The following SPATA1 variants were observed in gnomAD, a reference collection of about 807,000 sequenced individuals.
SPATA1 encodes the protein spermatogenesis associated 1.
Under a neutral mutation model 59.6 loss-of-function variants are expected in SPATA1, and 57 were observed. The ratio of observed to expected loss-of-function variants is 0.96; its 90% confidence interval spans 0.77 to 1.19. SPATA1 has a LOEUF of 1.19. SPATA1 is among the 50% of genes most tolerant of loss of function. SPATA1 has a pLI of 0.00. For synonymous variants in SPATA1, 147 were observed against 163.9 expected (o/e 0.90, Z 0.79); for missense variants, 448 against 480.7 (o/e 0.93, Z 0.64).
chr1:84,544,162 CAGTGT>C, intron 8 of SPATA1, 35 bp from the exon 9 acceptor site: 1 of 1,280,248 alleles, frequency 7.8e-7, no homozygotes, highest in Non-Finnish European at 1.1e-6. Context: ...AAGAATGTGA[CAGTGT>C]AGCCGATCTT....
chr1:84,533,048 T>A (rs938175511), intron 7 of SPATA1, 74 bp downstream of exon 7: 17 of 998,184 alleles, frequency 1.7e-5, no homozygotes, highest in Non-Finnish European at 2.2e-5. Context: ...TTCAGAGTAT[T>A]GTTATAAAGA....
intron 9 of SPATA1, 94 bp from the exon 10 acceptor site, chr1:84,545,540 T>C: frequency 7.5e-7 from 1 of 1,334,312 alleles, no homozygotes; most frequent in Non-Finnish European, 9.9e-7. Flanking sequence ...TTCTTGCTGC[T>C]TTAGACATTT....
Position 84,509,311 on chromosome 1 carries a change from C to A in SPATA1, c.-138+2893C>A, listed in dbSNP as rs181083054. Among the ~76,000 whole-genome samples the A allele has an allele frequency of 2.1e-3, 326 of 152,034 alleles. 3 individuals carry two copies. The highest frequency in any genetic ancestry group is 7.5e-3 in the African/African-American group (310 of 41,452). The stretch of plus-strand genomic sequence containing the variant: ...TTTTTACGAAGGTGCCAAGAACATA[C>A]ATTGGAGAAAGGACAGTCCCTCCAA... On this transcript the variant is annotated intron_variant, in intron 1 of 12. Coordinates refer to ENST00000490879, the Ensembl canonical transcript of SPATA1.
chr1:84,541,630 T>C (rs1189517814), intron 8 of SPATA1, among the ~76,000 whole-genome samples: 4 of 152,204 alleles, frequency 2.6e-5, no homozygotes, highest in Non-Finnish European at 4.4e-5. Context: ...ATAGTGTTCA[T>C]TAATATCTGC....
At position 84,543,983 on chromosome 1, in the gene SPATA1, A is replaced by T. The variant is rs1331620292; in HGVS notation, c.718-219A>T. Among the ~76,000 whole-genome samples the T allele has an allele frequency of 4.6e-5, 7 of 152,304 alleles. No individual in the cohort carries two copies. In the South Asian group the frequency reaches 1.0e-3, roughly 23 times the overall value. ...GAAAGAAAAATAACAGATTTTTTTT[A>T]AATTTTAAGTTTGAAGTACTTGTTT... On this transcript the variant is annotated intron_variant, in intron 8 of 12. Transcript: ENST00000490879.
chr1:84,526,070 GA>G lies in SPATA1; in HGVS notation c.543del (p.Ala182LeufsTer83). The stretch of plus-strand genomic sequence containing the variant: ...AGAGCTTCCTAACAAGAATCAGGAA[GA>G]AGGTGATTTTAAACTGGAATGGGAA... On this transcript the variant is annotated frameshift_variant and splice_region_variant, in exon 6 of 13. Coordinates refer to ENST00000490879, the Ensembl canonical transcript of SPATA1. LOFTEE classifies it high-confidence loss of function. The G allele has an allele frequency of 6.2e-7, 1 of 1,605,196 alleles. No individual in the cohort carries two copies. Among genetic ancestry groups the G allele is most frequent in the Non-Finnish European group, 8.5e-7 (1 of 1,175,152 alleles).
chr1:84,535,022 G>A (rs570454592), intron 8 of SPATA1, among the ~76,000 whole-genome samples: 11 of 152,202 alleles, frequency 7.2e-5, no homozygotes, highest in Admixed American at 5.9e-4. Context: ...AGAGAACCAC[G>A]AATCTCAAAA....
intron 6 of SPATA1, among the ~76,000 whole-genome samples, chr1:84,526,928 T>C (rs1358769515): frequency 7.0e-6 from 1 of 143,406 alleles, no homozygotes; most frequent in Non-Finnish European, 1.5e-5. Flanking sequence ...ATTAAACTCA[T>C]AAATACATAA....
chr1:84,544,303 A>G, exon 9 of SPATA1: 1 of 1,556,452 alleles, frequency 6.4e-7, no homozygotes, highest in Non-Finnish European at 8.7e-7. Context: ...TACAAACTGA[A>G]AGTAAGTATA....
intron 12 of SPATA1, chr1:84,552,935 CAGTT>C (rs1276110755): frequency 5.6e-6 from 4 of 713,726 alleles, no homozygotes; most frequent in East Asian, 5.9e-5. Flanking sequence ...TGAGAGAAGA[CAGTT>C]AAAGCGGTTA....
intron 1 of SPATA1, among the ~76,000 whole-genome samples, chr1:84,508,796 A>G (rs1403323833): frequency 3.3e-5 from 5 of 152,210 alleles, no homozygotes; most frequent in African/African-American, 9.6e-5. Flanking sequence ...GGCTAAGGAA[A>G]TTGAAGTTTG....
rs574729578 is a variant in SPATA1 at position 84,540,296 on chromosome 1, G to GT, written c.718-3899dup. Reference sequence around the variant, plus strand: ...TGTGTGTCTTCTACTATTTATTTGGGTTTTTTTCGTCTTGGTATTTAGAAA... The same window carrying GT: ...TGTGTGTCTTCTACTATTTATTTGGGTTTTTTTTCGTCTTGGTATTTAGAAA... On this transcript the variant is annotated intron_variant, in intron 8 of 12. Coordinates refer to ENST00000490879, the Ensembl canonical transcript of SPATA1. Among the ~76,000 whole-genome samples the GT allele has an allele frequency of 2.0e-4, 30 of 151,176 alleles. No individual in the cohort carries two copies. In the East Asian group the frequency reaches 3.3e-3, roughly 17 times the overall value.
At chr1:84,544,428 G>A (rs1684015355) in intron 9 of SPATA1, 124 bp downstream of exon 9, 1 of 708,238 alleles carries the variant, frequency 1.4e-6, no homozygotes, top group African/African-American at 1.8e-5. Flanking sequence ...TCTGGAGATG[G>A]GTGGTGGTGA....
chr1:84,528,166 A>G (rs1157356693), intron 6 of SPATA1, among the ~76,000 whole-genome samples: 1 of 152,206 alleles, frequency 6.6e-6, no homozygotes, highest in Non-Finnish European at 1.5e-5. Flanking sequence ...CTTCTCCAGT[A>G]GAGATAACTA....
chr1:84,540,503 T>G (rs1683863589), intron 8 of SPATA1, among the ~76,000 whole-genome samples: 1 of 152,206 alleles, frequency 6.6e-6, no homozygotes, highest in Non-Finnish European at 1.5e-5. Flanking sequence ...CTACTTTCAC[T>G]TTTTTCCCTC....
intron 1 of SPATA1, among the ~76,000 whole-genome samples, chr1:84,508,067 G>A (rs1017968858): frequency 1.3e-5 from 2 of 152,132 alleles, no homozygotes; most frequent in African/African-American, 4.8e-5. Flanking sequence ...AGATCACGAG[G>A]TCAAGAGATC....
At chr1:84,548,960 C>A in exon 11 of SPATA1, 1 of 1,573,320 alleles carries the variant, frequency 6.4e-7, no homozygotes, top group Non-Finnish European at 8.6e-7. Context: ...ATCACAGACT[C>A]CAAGGTATTA....
chr1:84,541,365 T>C (rs1683893800), intron 8 of SPATA1, among the ~76,000 whole-genome samples: 1 of 152,180 alleles, frequency 6.6e-6, no homozygotes, highest in Non-Finnish European at 1.5e-5. Flanking sequence ...TTAGATCTTC[T>C]TTACCTTTAT....
intron 1 of SPATA1, among the ~76,000 whole-genome samples, chr1:84,508,463 C>T (rs939238467): frequency 2.0e-5 from 3 of 152,188 alleles, no homozygotes; most frequent in African/African-American, 4.8e-5. Context: ...CATAGATGCT[C>T]ACTGTTCAGT....
Sources: gnomAD v4.1 joint callset for allele counts (sites outside exome capture counted in the v4.1 genomes callset) on GRCh38, gnomAD v4.1.1 for gene constraint, MANE v1.5 for transcripts, NCBI Gene and HGNC (gene_info 2026-07-23, HGNC 2026-07-21) for gene names.